WNT9A: variants seen among roughly 807,000 people sequenced by gnomAD.
The protein encoded by WNT9A is protein Wnt-9a.
In WNT9A, 8 loss-of-function variants were observed where a neutral mutation model predicts 31.4. The ratio of observed to expected loss-of-function variants is 0.26; its 90% confidence interval spans 0.15 to 0.46. WNT9A has a LOEUF of 0.46. WNT9A is among the 20% of genes least tolerant of loss of function. The pLI is 0.99. For synonymous variants in WNT9A, 236 were observed against 220.1 expected (o/e 1.07, Z -0.64); for missense variants, 457 against 522.9 (o/e 0.87, Z 1.23).
chr1:227,936,589 C>G (rs1473264364), intron 1 of WNT9A, among the ~76,000 whole-genome samples: 2 of 151,984 alleles, frequency 1.3e-5, no homozygotes, highest in African/African-American at 4.8e-5. Context: ...CCCACCGCAG[C>G]CTCACAAAGT....
chr1:227,927,954 G>T (rs1377010145), intron 1 of WNT9A, among the ~76,000 whole-genome samples: 1 of 151,432 alleles, frequency 6.6e-6, no homozygotes, highest in East Asian at 2.0e-4. Flanking sequence ...GGGATGAGGG[G>T]ACAAGGGGAG....
chr1:227,944,158 C>CA (rs1464999755), intron 1 of WNT9A, among the ~76,000 whole-genome samples: 30 of 152,142 alleles, frequency 2.0e-4, no homozygotes, highest in Admixed American at 1.4e-3. Context: ...GATGAACGGT[C>CA]AAAAAATCTC....
intron 1 of WNT9A, among the ~76,000 whole-genome samples, chr1:227,927,983 G>A (rs1202550861): frequency 6.6e-6 from 1 of 151,744 alleles, no homozygotes; most frequent in African/African-American, 2.4e-5. Context: ...AGGGAAGAGG[G>A]CAGGGGAGGA....
At chr1:227,923,989 G>T in intron 3 of WNT9A, 149 bp downstream of exon 3, 1 of 1,161,514 alleles carries the variant, frequency 8.6e-7, no homozygotes, top group Non-Finnish European at 1.2e-6. Context: ...GACTGGCGCT[G>T]CACGGCCTCC....
chr1:227,925,265 C>A lies in WNT9A; in HGVS notation c.350G>T (p.Arg117Leu). The A allele has an allele frequency of 2.6e-6, 4 of 1,555,350 alleles. No individual in the cohort carries two copies. Among genetic ancestry groups the A allele is most frequent in the East Asian group, 2.4e-5 (1 of 42,290 alleles). The change falls in exon 2 of 4, where the codon CGA becomes CTA. Residue 117 changes from arginine (R) to leucine (L), a missense_variant and splice_region_variant. By Grantham distance (102) the Arg-to-Leu change is moderately radical. Coordinates refer to ENST00000272164, the MANE Select transcript of WNT9A (RefSeq NM_003395.4). This position sits in a 1 kb window ranked among gnomAD's most constrained non-coding sequence, Gnocchi z 6.0. Reference protein sequence around the residue: ...EGRYRASLLKRGFKETAFLYA... With the variant: ...EGRYRASLLKLGFKETAFLYA... ...AGGGCCAGGCCGGCCACACTCACCT[C>A]GCTTGAGCAGGCTGGCCCGGTAGCG...
At chr1:227,936,823 G>T (rs934927832) in intron 1 of WNT9A, among the ~76,000 whole-genome samples, 1 of 152,146 alleles carries the variant, frequency 6.6e-6, no homozygotes, top group Non-Finnish European at 1.5e-5. Context: ...ATGTTCCAGG[G>T]TGAACTTATT....
intron 1 of WNT9A, among the ~76,000 whole-genome samples, chr1:227,944,154 C>G (rs138334891): frequency 6.6e-6 from 1 of 152,238 alleles, no homozygotes; most frequent in East Asian, 1.9e-4. Flanking sequence ...AACTGATGAA[C>G]GGTCAAAAAA....
chr1:227,923,094 A>C (rs558009015), intron 3 of WNT9A, among the ~76,000 whole-genome samples: 1 of 152,310 alleles, frequency 6.6e-6, no homozygotes, highest in Admixed American at 6.5e-5. Context: ...TAGGGCTTGA[A>C]TCTGCCTTCG....
At chr1:227,936,483 C>T (rs183028562) in intron 1 of WNT9A, among the ~76,000 whole-genome samples, 287 of 152,294 alleles carry the variant, frequency 1.9e-3, no homozygotes, top group African/African-American at 6.7e-3. Flanking sequence ...TGAGGAACTG[C>T]ACCTGGCCAC....
At chr1:227,945,003 C>T (rs910452198) in intron 1 of WNT9A, among the ~76,000 whole-genome samples, 1 of 152,196 alleles carries the variant, frequency 6.6e-6, no homozygotes, top group African/African-American at 2.4e-5. Context: ...GCAGGAACAG[C>T]CCCCAGACCC....
intron 1 of WNT9A, among the ~76,000 whole-genome samples, chr1:227,935,674 G>A (rs1422699998): frequency 6.6e-6 from 1 of 150,920 alleles, no homozygotes; most frequent in African/African-American, 2.5e-5. Flanking sequence ...TTACCCTCTT[G>A]TCTCATCCTT....
intron 1 of WNT9A, among the ~76,000 whole-genome samples, chr1:227,940,505 G>A (rs546472466): frequency 6.6e-6 from 1 of 152,270 alleles, no homozygotes; most frequent in South Asian, 2.1e-4. Flanking sequence ...GTCACAGAGG[G>A]AGCATCCCAA....
chr1:227,935,509 C>T (rs1227137716), intron 1 of WNT9A, among the ~76,000 whole-genome samples: 1 of 152,250 alleles, frequency 6.6e-6, no homozygotes, highest in African/African-American at 2.4e-5. Context: ...CCTAAGCCCT[C>T]TGAGTTGGTG....
chr1:227,921,898 C>G lies in WNT9A; in HGVS notation c.718G>C (p.Gly240Arg). Reference sequence around the variant, plus strand: ...TCATACTTGTGCTTCAGATGCTTGCCCACCTCATGGAAAGGCGCCAACTGC... The same window carrying G: ...TCATACTTGTGCTTCAGATGCTTGCGCACCTCATGGAAAGGCGCCAACTGC... Reference protein sequence around the residue: ...WRQLAPFHEVGKHLKHKYETA... With the variant: ...WRQLAPFHEVRKHLKHKYETA... Residue 240 changes from glycine to arginine, a missense_variant, in exon 4 of 4, where the codon GGC becomes CGC. Physicochemically the swap from Gly to Arg is moderately radical, Grantham distance 125. Transcript: ENST00000272164. 2 of 1,613,242 alleles carry G rather than the reference C, an allele frequency of 1.2e-6. No homozygotes were observed. The highest frequency in any genetic ancestry group is 1.7e-6 in the Non-Finnish European group (2 of 1,179,952).
chr1:227,922,485 G>A (rs758272945), intron 3 of WNT9A, among the ~76,000 whole-genome samples: 1 of 152,368 alleles, frequency 6.6e-6, no homozygotes, highest in Non-Finnish European at 1.5e-5. Flanking sequence ...GGAACCAGGT[G>A]CTACCGCACA....
chr1:227,930,312 T>C (rs2102722464), intron 1 of WNT9A, among the ~76,000 whole-genome samples: 1 of 152,298 alleles, frequency 6.6e-6, no homozygotes, highest in Middle Eastern at 3.4e-3. Context: ...AGGGGCTGCA[T>C]GTGCATGCGC....
Position 227,921,388 on chromosome 1 carries a change from T to C in WNT9A, c.*130A>G, listed in dbSNP as rs1312062988. 1 of 1,416,432 alleles carries C rather than the reference T, an allele frequency of 7.1e-7. No individual in the cohort carries two copies. The highest frequency in any genetic ancestry group is 9.5e-7 in the Non-Finnish European group (1 of 1,052,078). 87.7% of individuals were successfully genotyped at this position (1,416,432 alleles called of 1,614,324 possible). ...CATGCAGGTGTAGACCCATTCACAC[T>C]GTGTGCAATGCCTGTACCCCACGCA... On this transcript the variant is annotated 3_prime_UTR_variant, in exon 4 of 4. Coordinates refer to ENST00000272164, the MANE Select transcript of WNT9A (RefSeq NM_003395.4).
Position 227,947,805 on chromosome 1 carries a change from GC to G in WNT9A, c.82del (p.Ala28ProfsTer6). ...CGAAGGCACCTACCCGAAGTAGGCG[GC>G]CGAAGGGCGCAGCGCGGCGAGCAGC... Reference protein sequence around the residue: ...TLLLAALRPSAAYFGLTGSEP... With the variant: ...TLLLAALRPSXAYFGLTGSEP... On this transcript the variant is annotated frameshift_variant, in exon 1 of 4. Coordinates refer to ENST00000272164, the MANE Select transcript of WNT9A (RefSeq NM_003395.4). LOFTEE classifies it high-confidence loss of function. 1 of 1,097,952 alleles carries G rather than the reference GC, an allele frequency of 9.1e-7. No individual in the cohort carries two copies. Among genetic ancestry groups the G allele is most frequent in the Non-Finnish European group, 1.1e-6 (1 of 902,788 alleles). 68.0% of individuals were successfully genotyped at this position (1,097,952 alleles called of 1,614,324 possible). A position where few individuals can be genotyped will look rare whatever the true frequency, so the allele number is the denominator to read the frequency against.
At chr1:227,937,164 T>C (rs1666609605) in intron 1 of WNT9A, among the ~76,000 whole-genome samples, 1 of 152,252 alleles carries the variant, frequency 6.6e-6, no homozygotes, top group African/African-American at 2.4e-5. Context: ...CCAAACTTGC[T>C]GGGTCAGTCT....
Sources: allele counts gnomAD v4.1 joint callset (sites outside exome capture counted in the v4.1 genomes callset), GRCh38; gene constraint gnomAD v4.1.1; non-coding constraint Gnocchi (gnomAD v3.1); transcripts MANE v1.5; gene names NCBI Gene and HGNC (gene_info 2026-07-23, HGNC 2026-07-21).